The following RAB11FIP3 variants were observed in gnomAD, a reference collection of about 807,000 sequenced individuals.
The protein encoded by RAB11FIP3 is rab11 family-interacting protein 3.
Under a neutral mutation model 77.8 loss-of-function variants are expected in RAB11FIP3, and 17 were observed. That is an observed-to-expected ratio of 0.22 (90% CI 0.15 to 0.33). RAB11FIP3 has a LOEUF of 0.33. Ranked by LOEUF, RAB11FIP3 falls within the 10% of genes least tolerant of loss-of-function variation. RAB11FIP3 has a pLI of 1.00. For synonymous variants in RAB11FIP3, 437 were observed against 448.2 expected, an observed-to-expected ratio of 0.98 and a Z score of 0.31; for missense variants, 1,005 against 1,011.2, an observed-to-expected ratio of 0.99 and a Z score of 0.08.
intron 5 of RAB11FIP3, among the ~76,000 whole-genome samples, chr16:492,520 CGGGAGA>C (rs2030644662): frequency 7.2e-6 from 1 of 138,298 alleles, no homozygotes. Context: ...AGGGCCCTCC[CGGGAGA>C]CCCGAGGCCG....
intron 1 of RAB11FIP3, among the ~76,000 whole-genome samples, chr16:447,890 C>T (rs2055342986): frequency 6.6e-6 from 1 of 151,920 alleles, no homozygotes; most frequent in South Asian, 2.1e-4. Flanking sequence ...ATTCAGCTTT[C>T]AGGTCAACTA....
chr16:480,145 C>A (rs1415436008), intron 3 of RAB11FIP3, among the ~76,000 whole-genome samples: 1 of 151,472 alleles, frequency 6.6e-6, no homozygotes, highest in Non-Finnish European at 1.5e-5. Flanking sequence ...AAATTAGTGG[C>A]GTGGTGGCAC....
intron 5 of RAB11FIP3, 65 bp from the exon 6 acceptor site, chr16:496,759 C>G: frequency 6.7e-7 from 1 of 1,498,692 alleles, no homozygotes; most frequent in Non-Finnish European, 9.3e-7. Context: ...CCTGAGTTTC[C>G]TGCTTCCTCC....
intron 5 of RAB11FIP3, chr16:489,239 C>G: frequency 3.6e-6 from 2 of 561,786 alleles, no homozygotes; most frequent in Non-Finnish European, 6.2e-6. Context: ...TCAGCAAAAT[C>G]CTGTGGCACA....
At chr16:466,561 AGCCCGATGCTCTGTCTG>A (rs1335028954) in intron 2 of RAB11FIP3, among the ~76,000 whole-genome samples, 1 of 152,064 alleles carries the variant, frequency 6.6e-6, no homozygotes, top group Non-Finnish European at 1.5e-5. Context: ...CCCTCGGAGG[AGCCCGATGCTCTGTCTG>A]GGAAGCCTGG....
rs76052156 is a variant in RAB11FIP3, at chr16:468,808, T to C, written c.809-2487T>C. On this transcript the variant is annotated intron_variant, in intron 2 of 13. Transcript: ENST00000262305. ...TAATTAATTGAAAATTGTTTTAGTT[T>C]TTATAAGGAAAACTAATATGAGAAT... Among the ~76,000 whole-genome samples the C allele has an allele frequency of 6.1e-3, 923 of 152,306 alleles. 10 individuals carry two copies. The highest frequency in any genetic ancestry group is 0.021 in the African/African-American group (879 of 41,546).
At position 506,269 on chromosome 16, in the gene RAB11FIP3, G is replaced by A. The variant is rs2141869858; in HGVS notation, c.1499+642G>A. Among the ~76,000 whole-genome samples, 1 of 152,276 alleles carries A rather than the reference G, an allele frequency of 6.6e-6. No individual in the cohort carries two copies. Among genetic ancestry groups the A allele is most frequent in the East Asian group, 1.9e-4 (1 of 5,178 alleles). Reference sequence around the variant, plus strand: ...CGCCATGTTGTCTCATAGCCGATTTGCAGGACTGTTTCCGGTGCAAAGTAA... The same window carrying A: ...CGCCATGTTGTCTCATAGCCGATTTACAGGACTGTTTCCGGTGCAAAGTAA... On this transcript the variant is annotated intron_variant, in intron 8 of 13. Transcript: ENST00000262305. The surrounding 1 kb of genome is among the most constrained non-coding windows in gnomAD (Gnocchi z 4.5).
intron 12 of RAB11FIP3, 28 bp downstream of exon 12, chr16:520,305 A>C: frequency 6.5e-7 from 1 of 1,546,412 alleles, no homozygotes; most frequent in Non-Finnish European, 8.7e-7. Flanking sequence ...TCCCTCCCTC[A>C]CACTCCTGCA....
intron 7 of RAB11FIP3, among the ~76,000 whole-genome samples, chr16:503,955 TCTCCTCCTGTACCCCCTCACCAC>T (rs1199207487): frequency 5.0e-4 from 36 of 71,666 alleles, no homozygotes; most frequent in African/African-American, 2.1e-3. Context: ...GTACCCCTCA[TCTCCTCCTGTACCCCCTCACCAC>T]CTCCTGTACC....
intron 8 of RAB11FIP3, among the ~76,000 whole-genome samples, chr16:509,151 G>A (rs957076120): frequency 1.4e-4 from 22 of 152,200 alleles, no homozygotes; most frequent in African/African-American, 4.3e-4. Context: ...TGATCTGCCC[G>A]CCTCTGCCTC....
chr16:511,430 TAGG>T (rs2032158023), intron 9 of RAB11FIP3, among the ~76,000 whole-genome samples: 2 of 97,990 alleles, frequency 2.0e-5, no homozygotes, highest in Non-Finnish European at 1.9e-5. Flanking sequence ...GCAGGCCAGG[TAGG>T]AGAAGTTCCC....
intron 3 of RAB11FIP3, 191 bp from the exon 4 acceptor site, chr16:482,334 G>A (rs2056059166): frequency 1.4e-6 from 1 of 708,942 alleles, no homozygotes; most frequent in Non-Finnish European, 2.6e-6. Context: ...GGGATTACAG[G>A]CGTGAGTCAC....
chr16:468,333 T>TGGG (rs2055754074), intron 2 of RAB11FIP3, among the ~76,000 whole-genome samples: 3 of 151,458 alleles, frequency 2.0e-5, no homozygotes, highest in Admixed American at 1.3e-4. Flanking sequence ...GAGGCGGTGC[T>TGGG]GCCATGGCAT....
intron 2 of RAB11FIP3, among the ~76,000 whole-genome samples, chr16:467,630 T>G (rs373675611): frequency 7.7e-4 from 41 of 53,536 alleles, no homozygotes; most frequent in African/African-American, 2.5e-3. Flanking sequence ...GAGGAGGTGC[T>G]GGGGCCTCAG....
intron 1 of RAB11FIP3, among the ~76,000 whole-genome samples, chr16:456,670 A>G (rs1800953734): frequency 2.0e-5 from 3 of 152,134 alleles, no homozygotes. Context: ...AGGCAGGAGA[A>G]TCATCCAAAC....
rs1472996362 is a variant in RAB11FIP3, at chr16:522,143, T to C, written c.*1304T>C. ...GCCTTGGGTGTAAATCAGTGTAAAC[T>C]TGGAGGAGAGATTTTTCTATCATGT... is the stretch of plus-strand genomic sequence containing the variant. On this transcript the variant is annotated 3_prime_UTR_variant, in exon 14 of 14. Coordinates refer to ENST00000262305, the MANE Select transcript of RAB11FIP3 (RefSeq NM_014700.4). The C allele has an allele frequency of 6.6e-6, 1 of 151,552 alleles. No homozygotes were observed. Among genetic ancestry groups the C allele is most frequent in the Non-Finnish European group, 1.5e-5 (1 of 67,962 alleles). 9.4% of individuals were successfully genotyped at this position (151,552 alleles called of 1,614,324 possible).
At chr16:453,977 GCCTA>G (rs2055453999) in intron 1 of RAB11FIP3, among the ~76,000 whole-genome samples, 2 of 152,218 alleles carry the variant, frequency 1.3e-5, no homozygotes, top group South Asian at 4.1e-4. Context: ...ATATTATTCA[GCCTA>G]CCTGTCTTTC....
In RAB11FIP3 at chr16:436,270, C is replaced by A. The variant is rs562207732; in HGVS notation, c.714+9550C>A. 1.6e-3 allele frequency among the ~76,000 whole-genome samples: 240 copies of A among 152,210 alleles called. 1 individual carries two copies. The highest frequency in any genetic ancestry group is 5.2e-3 in the African/African-American group (218 of 41,540). The stretch of plus-strand genomic sequence containing the variant: ...GTTACAGTGAGCCAAGATCGCGCCA[C>A]CGCACTCCAGCCCAGGCGAAAGTGC... On this transcript the variant is annotated intron_variant, in intron 1 of 13. Transcript: ENST00000262305.
rs1460175933 is a variant in RAB11FIP3 at position 426,734 on chromosome 16, C to T, written c.714+14C>T. 4.3e-5 allele frequency: 63 copies of T among 1,465,288 alleles called. No homozygotes were observed. Among genetic ancestry groups the T allele is most frequent in the Non-Finnish European group, 5.4e-5 (60 of 1,107,146 alleles). 90.8% of individuals were successfully genotyped at this position (1,465,288 alleles called of 1,614,324 possible). On this transcript the variant is annotated intron_variant, in intron 1 of 13. Coordinates refer to ENST00000262305, the MANE Select transcript of RAB11FIP3 (RefSeq NM_014700.4). This position sits in a 1 kb window ranked among gnomAD's most constrained non-coding sequence, Gnocchi z 5.0. ...GGGGCAGAGCAGGTACGGAGCGGCCCGGGCCGGGGCGTGGGAACTGGGCAG... is the reference window on the plus strand; with the variant it reads ...GGGGCAGAGCAGGTACGGAGCGGCCTGGGCCGGGGCGTGGGAACTGGGCAG...
Sources: allele counts gnomAD v4.1 joint callset (sites outside exome capture counted in the v4.1 genomes callset), GRCh38; gene constraint gnomAD v4.1.1; non-coding constraint Gnocchi (gnomAD v3.1); transcripts MANE v1.5; gene names NCBI Gene and HGNC (gene_info 2026-07-23, HGNC 2026-07-21).